Variants in TNKS observed in about 807,000 individuals in gnomAD.
The protein encoded by TNKS is poly [ADP-ribose] polymerase tankyrase-1.
In TNKS, 72 loss-of-function variants were observed where a neutral mutation model predicts 135.8. That is an observed-to-expected ratio of 0.53 (90% CI 0.44 to 0.64). The LOEUF is 0.64. Ranked by LOEUF, TNKS falls within the 30% of genes least tolerant of loss-of-function variation. TNKS has a pLI of 0.00. For missense variants in TNKS, 1,769 were observed against 1,674.0 expected, an observed-to-expected ratio of 1.06 and a Z score of -0.99; for synonymous variants, 849 against 649.3, an observed-to-expected ratio of 1.31 and a Z score of -4.68.
At position 9,777,835 on chromosome 8, in the gene TNKS, AG is replaced by A. The variant is rs1288526605; in HGVS notation, c.*1100del. 1.3e-5 allele frequency: 2 copies of A among 152,400 alleles called. No homozygotes were observed. The highest frequency in any genetic ancestry group is 2.9e-5 in the Non-Finnish European group (2 of 68,034). The allele number at this position is 152,400 out of a possible 1,614,324, so 9.4% of individuals were successfully genotyped here. ...AAAAATACCACTTGATTGTTTCTTT[AG>A]TTGAGAATGCTGGGATTCAGACTCG... On this transcript the variant is annotated 3_prime_UTR_variant, in exon 27 of 27. Coordinates refer to ENST00000310430, the MANE Select transcript of TNKS (RefSeq NM_003747.3).
At chr8:9,697,113 A>G (rs1264053446) in intron 5 of TNKS, among the ~76,000 whole-genome samples, 1 of 152,156 alleles carries the variant, frequency 6.6e-6, no homozygotes, top group Non-Finnish European at 1.5e-5. Context: ...ACGTAGACTG[A>G]TGGAATGGAA....
chr8:9,706,219 A>T lies in TNKS; in HGVS notation c.1235A>T (p.Tyr412Phe). The T allele has an allele frequency of 6.3e-7, 1 of 1,579,894 alleles. No individual in the cohort carries two copies. The highest frequency in any genetic ancestry group is 8.6e-7 in the Non-Finnish European group (1 of 1,166,810). The stretch of plus-strand genomic sequence containing the variant: ...GTGCCTCTTCATAATGCATGTTCAT[A>T]TGGACATTATGAAGTCACAGAACTG... Reference protein sequence around the residue: ...GLVPLHNACSYGHYEVTELLL... With the variant: ...GLVPLHNACSFGHYEVTELLL... Residue 412 changes from tyrosine to phenylalanine, a missense_variant, in exon 7 of 27, where the codon TAT becomes TTT. By Grantham distance (22) the Tyr-to-Phe change is conservative. Transcript: ENST00000310430.
rs1440492723 is a variant in TNKS, at chr8:9,659,872, CA to C, written c.995-20076del. Among the ~76,000 whole-genome samples the C allele has an allele frequency of 2.0e-5, 3 of 152,164 alleles. No homozygotes were observed. The East Asian group carries it at 5.8e-4, about 29-fold the overall frequency. On this transcript the variant is annotated intron_variant, in intron 3 of 26. Coordinates refer to ENST00000310430, the MANE Select transcript of TNKS (RefSeq NM_003747.3). ...AATAAAGAAGAAAAGAGAGACGAAT[CA>C]AATAGACGCAATAAAAAATGATAAA...
chr8:9,762,040 C>T (rs1585432065), intron 21 of TNKS, among the ~76,000 whole-genome samples: 2 of 152,228 alleles, frequency 1.3e-5, no homozygotes, highest in African/African-American at 4.8e-5. Flanking sequence ...GATCATATCA[C>T]TCCATTGCTT....
In TNKS at chr8:9,586,694, A is replaced by G. The variant is rs532999440; in HGVS notation, c.898+6311A>G. 5.3e-5 allele frequency among the ~76,000 whole-genome samples: 8 copies of G among 150,882 alleles called. No homozygotes were observed. In the East Asian group the frequency reaches 1.6e-3, roughly 29 times the overall value. Reference sequence around the variant, plus strand: ...TTATAGAATTTATATTTAAATTATAATATAGTCTATATAATTTATATCTAA... The same window carrying G: ...TTATAGAATTTATATTTAAATTATAGTATAGTCTATATAATTTATATCTAA... On this transcript the variant is annotated intron_variant, in intron 2 of 26. Transcript: ENST00000310430.
At chr8:9,566,252 C>A (rs1269792269) in intron 1 of TNKS, 1 of 152,072 alleles carries the variant, frequency 6.6e-6, no homozygotes, top group African/African-American at 2.4e-5. Context: ...TGTTTTTCTT[C>A]TTTGCAGGAA....
chr8:9,664,009 G>C (rs939305386), intron 3 of TNKS, among the ~76,000 whole-genome samples: 2 of 152,148 alleles, frequency 1.3e-5, no homozygotes, highest in African/African-American at 4.8e-5. Flanking sequence ...TCACATGATT[G>C]TTTCCTCTGG....
chr8:9,560,682 A>G (rs1427722744), intron 1 of TNKS, among the ~76,000 whole-genome samples: 1 of 151,636 alleles, frequency 6.6e-6, no homozygotes, highest in Middle Eastern at 3.2e-3. Context: ...GATCCTTTAT[A>G]TTACTTGTAA....
chr8:9,677,152 G>A (rs1446224533), intron 3 of TNKS, among the ~76,000 whole-genome samples: 1 of 152,192 alleles, frequency 6.6e-6, no homozygotes, highest in South Asian at 2.1e-4. Flanking sequence ...TTTATGGATT[G>A]TGGTCCTTGG....
chr8:9,664,506 T>C (rs539668490), intron 3 of TNKS, among the ~76,000 whole-genome samples: 8 of 152,198 alleles, frequency 5.3e-5, no homozygotes, highest in Non-Finnish European at 1.0e-4. Context: ...GCACAAACAT[T>C]CAAACTGTAG....
At chr8:9,578,235 TC>T (rs1332472750) in intron 1 of TNKS, among the ~76,000 whole-genome samples, 2 of 152,178 alleles carry the variant, frequency 1.3e-5, no homozygotes, top group Admixed American at 1.3e-4. Flanking sequence ...GGAGAATAAT[TC>T]AACCTTCCTG....
intron 3 of TNKS, among the ~76,000 whole-genome samples, chr8:9,639,679 T>A (rs1309839858): frequency 6.6e-6 from 1 of 152,188 alleles, no homozygotes; most frequent in African/African-American, 2.4e-5. Flanking sequence ...AACTTAATTT[T>A]AACTACTGAG....
intron 13 of TNKS, among the ~76,000 whole-genome samples, chr8:9,727,229 T>C (rs1321224517): frequency 6.6e-6 from 1 of 152,202 alleles, no homozygotes; most frequent in African/African-American, 2.4e-5. Context: ...ATTTTTTCCC[T>C]GTGTAGCTCT....
intron 17 of TNKS, among the ~76,000 whole-genome samples, chr8:9,745,581 ATTTAGCAGAGATGGGG>A: frequency 6.6e-6 from 1 of 151,814 alleles, no homozygotes; most frequent in South Asian, 2.1e-4. Flanking sequence ...ATTTTTGTGT[ATTTAGCAGAGATGGGG>A]TTTCGCCATG....
chr8:9,592,748 C>CT (rs948948146), intron 2 of TNKS, among the ~76,000 whole-genome samples: 9 of 152,004 alleles, frequency 5.9e-5, no homozygotes, highest in African/African-American at 1.9e-4. Context: ...TTCTGTCTGA[C>CT]TTTTTTTTAT....
At chr8:9,580,497 G>C (rs1798125624) in intron 2 of TNKS, 114 bp downstream of exon 2, 2 of 898,312 alleles carry the variant, frequency 2.2e-6, no homozygotes, top group Non-Finnish European at 3.3e-6. Context: ...GCTTCTTGTA[G>C]AAGCAGTTCT....
chr8:9,657,701 G>A, intron 3 of TNKS, among the ~76,000 whole-genome samples: 1 of 94,158 alleles, frequency 1.1e-5, no homozygotes, highest in Non-Finnish European at 2.2e-5. Flanking sequence ...GGGCTGAGGG[G>A]CTCCTCACTT....
At chr8:9,617,952 A>G (rs1451756888) in intron 3 of TNKS, among the ~76,000 whole-genome samples, 1 of 150,876 alleles carries the variant, frequency 6.6e-6, no homozygotes, top group Non-Finnish European at 1.5e-5. Flanking sequence ...TTTTCCTTAA[A>G]GGCAATTAAT....
intron 20 of TNKS, among the ~76,000 whole-genome samples, chr8:9,757,328 T>A (rs1248405796): frequency 1.3e-5 from 2 of 152,170 alleles, no homozygotes; most frequent in African/African-American, 4.8e-5. Context: ...CCCTTTAAGA[T>A]CCTCTCTGTG....
Sources: gnomAD v4.1 joint callset for allele counts (sites outside exome capture counted in the v4.1 genomes callset) on GRCh38, gnomAD v4.1.1 for gene constraint, MANE v1.5 for transcripts, NCBI Gene and HGNC (gene_info 2026-07-23, HGNC 2026-07-21) for gene names.